The following SH3RF3 variants were observed in gnomAD, a reference collection of about 807,000 sequenced individuals.
SH3RF3 encodes the protein SH3 domain containing ring finger 3.
SH3RF3 carries 29 observed loss-of-function variants against 66.3 expected under a neutral mutation model. The ratio of observed to expected loss-of-function variants is 0.44; its 90% CI spans 0.33 to 0.60. The LOEUF (loss-of-function observed/expected upper bound fraction) is 0.60. SH3RF3 is among the 20% of genes least tolerant of loss of function. The probability of loss-of-function intolerance (pLI) is 0.04; values close to 1 mark genes in which losing one functional copy is unlikely to be tolerated. For missense variants in SH3RF3, 1,194 were observed against 1,190.9 expected (o/e 1.00, Z -0.04); for synonymous variants, 583 against 532.0 (o/e 1.10, Z -1.32).
chr2:109,233,975 CCAGTTTTTGG>C (rs753800689), intron 1 of SH3RF3, among the ~76,000 whole-genome samples: 1 of 152,264 alleles, frequency 6.6e-6, no homozygotes, highest in South Asian at 2.1e-4. Flanking sequence ...TGAATTGTTT[CCAGTTTTTGG>C]CAGTCATTGA....
intron 4 of SH3RF3, among the ~76,000 whole-genome samples, chr2:109,410,247 G>A (rs1047377691): frequency 1.3e-5 from 2 of 152,216 alleles, no homozygotes; most frequent in African/African-American, 4.8e-5. Flanking sequence ...GAAACACATC[G>A]CCGTCACAGA....
chr2:109,398,790 C>T lies in SH3RF3; in HGVS notation c.1146C>T (p.Phe382=). Residue 382 remains phenylalanine (F), a synonymous_variant, in exon 4 of 10, where the codon TTC becomes TTT. Transcript: ENST00000309415. ...AGAACACCAAGAAACGCCACTCCTT[C>T]ACCGCGCTCAGTGTGACGCACAGAT... is the stretch of plus-strand genomic sequence containing the variant. The part of the protein sequence containing the change: ...GKKNTKKRHS[F]TALSVTHRSS... 1 of 1,613,804 alleles carries T rather than the reference C, an allele frequency of 6.2e-7. No homozygotes were observed. Among genetic ancestry groups the T allele is most frequent in the Non-Finnish European group, 8.5e-7 (1 of 1,179,834 alleles).
chr2:109,489,297 G>A (rs555054580), intron 8 of SH3RF3, among the ~76,000 whole-genome samples: 1 of 152,358 alleles, frequency 6.6e-6, no homozygotes, highest in African/African-American at 2.4e-5. Context: ...CCCTTCACCG[G>A]GCACTAAGCA....
Position 109,288,176 on chromosome 2 carries a change from C to T in SH3RF3, c.574-59498C>T, listed in dbSNP as rs371601046. Among the ~76,000 whole-genome samples the T allele has an allele frequency of 1.6e-4, 25 of 152,310 alleles. No homozygotes were observed. The South Asian group carries it at 4.1e-3, about 25-fold the overall frequency. On this transcript the variant is annotated intron_variant, in intron 1 of 9. Coordinates refer to ENST00000309415, the MANE Select transcript of SH3RF3 (RefSeq NM_001099289.3). ...TCCAAGAAGAACTCAAACTTAGATG[C>T]GATGTGTTTGCAGCCATTCAGAATA...
chr2:109,364,159 G>GTTTTTTTTTTTTCTTTTTTT (rs1683111015), intron 2 of SH3RF3, among the ~76,000 whole-genome samples: 1 of 141,862 alleles, frequency 7.0e-6, no homozygotes, highest in Non-Finnish European at 1.5e-5. Context: ...CTCCATTATG[G>GTTTTTTTTTTTTCTTTTTTT]TTTTTTTTTT....
At position 109,437,089 on chromosome 2, in the gene SH3RF3, T is replaced by C. The variant is rs1677425336; in HGVS notation, c.1771T>C (p.Cys591Arg). The C allele has an allele frequency of 6.2e-7, 1 of 1,613,436 alleles. No homozygotes were observed. The highest frequency in any genetic ancestry group is 8.5e-7 in the Non-Finnish European group (1 of 1,179,804). ...HPTASPPTGS[C>R]LRHSAQPTAS... Reference sequence around the variant, plus strand: ...CACAGCCTCGCCCCCAACAGGCAGCTGTCTACGGCACTCAGCCCAGCCAAC... The same window carrying C: ...CACAGCCTCGCCCCCAACAGGCAGCCGTCTACGGCACTCAGCCCAGCCAAC... The change falls in exon 7 of 10, where the codon TGT becomes CGT. Residue 591 changes from cysteine (C) to arginine (R), a missense_variant. Transcript: ENST00000309415.
intron 1 of SH3RF3, among the ~76,000 whole-genome samples, chr2:109,202,124 G>A (rs1204744895): frequency 6.6e-6 from 1 of 152,134 alleles, no homozygotes; most frequent in African/African-American, 2.4e-5. Flanking sequence ...TTCTCATCTT[G>A]ACAGATCAGC....
At chr2:109,143,047 T>C (rs1241538703) in intron 1 of SH3RF3, among the ~76,000 whole-genome samples, 2 of 152,140 alleles carry the variant, frequency 1.3e-5, no homozygotes, top group Admixed American at 6.5e-5. Flanking sequence ...GGGATGCTGG[T>C]ATTCCTGGTG....
intron 8 of SH3RF3, among the ~76,000 whole-genome samples, chr2:109,453,869 T>C (rs991885189): frequency 3.9e-5 from 6 of 152,118 alleles, no homozygotes; most frequent in Non-Finnish European, 7.4e-5. Flanking sequence ...GGAGGATCCT[T>C]GGCTGAGGGT....
intron 1 of SH3RF3, among the ~76,000 whole-genome samples, chr2:109,214,542 T>C (rs906297906): frequency 6.7e-6 from 1 of 150,012 alleles, no homozygotes; most frequent in Non-Finnish European, 1.5e-5. Flanking sequence ...AGACAAGGAC[T>C]AAGAAATTTC....
At chr2:109,341,317 A>C (rs1682549395) in intron 1 of SH3RF3, among the ~76,000 whole-genome samples, 1 of 152,224 alleles carries the variant, frequency 6.6e-6, no homozygotes, top group South Asian at 2.1e-4. Context: ...TAAATCTATA[A>C]AGTGGAAGAT....
At chr2:109,216,974 C>T (rs930981476) in intron 1 of SH3RF3, among the ~76,000 whole-genome samples, 2 of 152,134 alleles carry the variant, frequency 1.3e-5, no homozygotes, top group African/African-American at 2.4e-5. Flanking sequence ...GCCCTGGCAC[C>T]CACTCTTCTA....
intron 1 of SH3RF3, among the ~76,000 whole-genome samples, chr2:109,243,276 G>T (rs572387637): frequency 6.6e-6 from 1 of 152,224 alleles, no homozygotes; most frequent in East Asian, 1.9e-4. Context: ...CAGAGCCGGC[G>T]TCAGCCGTAC....
intron 1 of SH3RF3, among the ~76,000 whole-genome samples, chr2:109,238,416 T>G (rs1679698364): frequency 6.6e-6 from 1 of 151,892 alleles, no homozygotes; most frequent in African/African-American, 2.4e-5. Flanking sequence ...CTCTTTTTCT[T>G]TAATTTATAC....
intron 2 of SH3RF3, among the ~76,000 whole-genome samples, chr2:109,363,293 G>A (rs1436422871): frequency 6.6e-6 from 1 of 151,764 alleles, no homozygotes; most frequent in Non-Finnish European, 1.5e-5. Flanking sequence ...ATGAATTCAA[G>A]CCCACTTTCA....
At chr2:109,211,424 G>A (rs1410301303) in intron 1 of SH3RF3, among the ~76,000 whole-genome samples, 6 of 152,220 alleles carry the variant, frequency 3.9e-5, no homozygotes, top group African/African-American at 1.4e-4. Context: ...CCCTGGCGAG[G>A]TAAGAAGCAT....
At chr2:109,453,146 T>A (rs1677936133) in intron 8 of SH3RF3, among the ~76,000 whole-genome samples, 1 of 152,142 alleles carries the variant, frequency 6.6e-6, no homozygotes, top group African/African-American at 2.4e-5. Flanking sequence ...CAGTTCTTTC[T>A]CCAGACCCAT....
chr2:109,209,314 CTG>C (rs1185316532), intron 1 of SH3RF3, among the ~76,000 whole-genome samples: 2 of 152,186 alleles, frequency 1.3e-5, no homozygotes, highest in Non-Finnish European at 2.9e-5. Flanking sequence ...GTGACCATGA[CTG>C]AGTTTTCTTG....
chr2:109,438,631 G>A (rs1029982800), intron 7 of SH3RF3, among the ~76,000 whole-genome samples: 1 of 152,160 alleles, frequency 6.6e-6, no homozygotes, highest in Admixed American at 6.5e-5. Context: ...AGAATCTGCA[G>A]CAATATTACC....
Sources: allele counts gnomAD v4.1 joint callset (sites outside exome capture counted in the v4.1 genomes callset), GRCh38; gene constraint gnomAD v4.1.1; transcripts MANE v1.5; gene names NCBI Gene and HGNC (gene_info 2026-07-23, HGNC 2026-07-21).